AXDND1: variants seen among roughly 807,000 people sequenced by gnomAD.
AXDND1 encodes axonemal dynein light chain domain containing 1, also known as axonemal dynein light chain domain-containing protein 1.
A neutral mutation model predicts 137.5 loss-of-function variants in AXDND1; 110 were observed. The ratio of observed to expected loss-of-function variants is 0.80; its 90% CI spans 0.69 to 0.94. The LOEUF is 0.94. Among genes scored for constraint, AXDND1 ranks in the 40% least tolerant of loss-of-function variants. AXDND1 has a pLI of 0.00. For synonymous variants in AXDND1, 414 were observed against 399.7 expected (o/e 1.04, Z -0.43); for missense variants, 1,191 against 1,169.8 (o/e 1.02, Z -0.26).
At chr1:179,475,065 G>C (rs1050247002) in intron 17 of AXDND1, among the ~76,000 whole-genome samples, 3 of 152,216 alleles carry the variant, frequency 2.0e-5, no homozygotes, top group African/African-American at 7.2e-5. Context: ...GTGCACAGAA[G>C]TCAAGAATTG....
intron 17 of AXDND1, among the ~76,000 whole-genome samples, chr1:179,478,084 TG>T (rs1291285090): frequency 4.6e-5 from 7 of 152,196 alleles, no homozygotes; most frequent in Admixed American, 3.3e-4. Flanking sequence ...TCTGCCTCTG[TG>T]GCTTTGTGGG....
chr1:179,529,427 A>C (rs936516706), intron 23 of AXDND1, among the ~76,000 whole-genome samples: 1 of 152,254 alleles, frequency 6.6e-6, no homozygotes, highest in Non-Finnish European at 1.5e-5. Context: ...GAGAAAAGGC[A>C]TATAAATTTG....
intron 17 of AXDND1, among the ~76,000 whole-genome samples, chr1:179,477,885 G>A (rs1271015403): frequency 3.9e-5 from 6 of 152,180 alleles, no homozygotes; most frequent in Admixed American, 6.5e-5. Context: ...AGGGGCTACA[G>A]ACATTGGGTA....
At chr1:179,473,686 A>G (rs1394844090) in intron 17 of AXDND1, among the ~76,000 whole-genome samples, 2 of 152,074 alleles carry the variant, frequency 1.3e-5, no homozygotes, top group African/African-American at 4.8e-5. Context: ...CAATCCCCAC[A>G]TGTCAATGGA....
At chr1:179,505,797 G>A (rs1668486077) in intron 20 of AXDND1, among the ~76,000 whole-genome samples, 1 of 152,252 alleles carries the variant, frequency 6.6e-6, no homozygotes, top group South Asian at 2.1e-4. Context: ...AACAGATAGG[G>A]ATTATCTAGT....
chr1:179,520,007 TC>T (rs1669907728), intron 21 of AXDND1, among the ~76,000 whole-genome samples: 1 of 108,358 alleles, frequency 9.2e-6, no homozygotes, highest in Non-Finnish European at 2.1e-5. Flanking sequence ...TATTGATTCC[TC>T]CTTTTTATGA....
At chr1:179,454,593 G>A (rs1325649568) in intron 16 of AXDND1, 1 of 152,244 alleles carries the variant, frequency 6.6e-6, no homozygotes, top group African/African-American at 2.4e-5. Context: ...GTGTGAGAGA[G>A]AGTATTGTGG....
At chr1:179,456,344 G>A (rs1661404445) in intron 16 of AXDND1, 4 of 768,790 alleles carry the variant, frequency 5.2e-6, no homozygotes, top group South Asian at 1.3e-5. Context: ...TGCCTCCAAA[G>A]TTTCCTCCCT....
At chr1:179,510,374 A>G (rs941029296) in intron 21 of AXDND1, among the ~76,000 whole-genome samples, 8 of 152,324 alleles carry the variant, frequency 5.3e-5, no homozygotes, top group Non-Finnish European at 8.8e-5. Context: ...CTATACAGGT[A>G]TGATCTGATG....
chr1:179,468,309 C>G (rs1002620445), intron 16 of AXDND1, 134 bp from the exon 17 acceptor site: 2 of 616,084 alleles, frequency 3.2e-6, no homozygotes, highest in Non-Finnish European at 5.5e-6. Context: ...GTAAGGTTCT[C>G]TGCTAGTCAA....
chr1:179,456,480 T>C (rs1432315783), intron 16 of AXDND1: 27 of 767,820 alleles, frequency 3.5e-5, no homozygotes, highest in South Asian at 3.5e-4. Flanking sequence ...ATAGCTATTA[T>C]AGCTGCCACT....
chr1:179,379,925 A>G (rs1482589855), intron 6 of AXDND1, among the ~76,000 whole-genome samples: 4 of 152,086 alleles, frequency 2.6e-5, no homozygotes, highest in Admixed American at 2.6e-4. Flanking sequence ...ATGAGGAAAC[A>G]TTTGAGCCAG....
At position 179,445,111 on chromosome 1, in the gene AXDND1, GA is replaced by G; in HGVS notation, c.1706del (p.Glu569GlyfsTer25). On this transcript the variant is annotated frameshift_variant, in exon 16 of 26. Coordinates refer to ENST00000367618, the MANE Select transcript of AXDND1 (RefSeq NM_144696.6). LOFTEE classifies it high-confidence loss of function. ...IFNRHKSLEG[E>X]MPSERQYMEE... ...TAATCGGCATAAAAGTTTGGAGGGG[GA>G]GATGCCATCAGAGCGACAGTACATG... 1 of 1,613,406 alleles carries G rather than the reference GA, an allele frequency of 6.2e-7. No individual in the cohort carries two copies. The highest frequency in any genetic ancestry group is 8.5e-7 in the Non-Finnish European group (1 of 1,179,536).
At chr1:179,372,611 A>G (rs1668151354) in intron 4 of AXDND1, among the ~76,000 whole-genome samples, 1 of 152,206 alleles carries the variant, frequency 6.6e-6, no homozygotes, top group African/African-American at 2.4e-5. Flanking sequence ...ATAAAAATAG[A>G]TTTTCCAGAA....
At chr1:179,436,727 C>T (rs924092179) in intron 15 of AXDND1, among the ~76,000 whole-genome samples, 1 of 151,914 alleles carries the variant, frequency 6.6e-6, no homozygotes, top group Non-Finnish European at 1.5e-5. Flanking sequence ...GGCATTAGGA[C>T]AAATAGCTAA....
At chr1:179,539,273 T>A (rs1344711377) in intron 25 of AXDND1, among the ~76,000 whole-genome samples, 7 of 152,250 alleles carry the variant, frequency 4.6e-5, no homozygotes, top group Non-Finnish European at 1.0e-4. Flanking sequence ...TGATGCAGTT[T>A]CTTCATAGTG....
chr1:179,455,586 T>C (rs1192303142), intron 16 of AXDND1: 1 of 113,340 alleles, frequency 8.8e-6, no homozygotes, highest in East Asian at 2.6e-4. Flanking sequence ...AGAGTGAGAC[T>C]CCGTCTCAAA....
At chr1:179,420,742 C>G (rs1655554213) in intron 12 of AXDND1, among the ~76,000 whole-genome samples, 1 of 151,864 alleles carries the variant, frequency 6.6e-6, no homozygotes, top group South Asian at 2.1e-4. Flanking sequence ...CGTGTCTCAG[C>G]CTCCTGAGTT....
chr1:179,368,114 T>G (rs1667652912), intron 2 of AXDND1, among the ~76,000 whole-genome samples: 1 of 152,150 alleles, frequency 6.6e-6, no homozygotes, highest in South Asian at 2.1e-4. Context: ...CAGGCATAGA[T>G]TAAGAAGAAT....
Sources: allele counts gnomAD v4.1 joint callset (sites outside exome capture counted in the v4.1 genomes callset), GRCh38; gene constraint gnomAD v4.1.1; transcripts MANE v1.5; gene names NCBI Gene and HGNC (gene_info 2026-07-23, HGNC 2026-07-21).